NCOR2: variants seen among roughly 807,000 people sequenced by gnomAD.
NCOR2 encodes the protein CTG repeat protein 26.
Under a neutral mutation model 262.9 loss-of-function variants are expected in NCOR2, and 81 were observed. That is an observed-to-expected ratio of 0.31 (90% CI 0.26 to 0.37). The LOEUF (loss-of-function observed/expected upper bound fraction) is 0.37, where lower values mean the gene tolerates loss of function less well. NCOR2 is among the 10% of genes least tolerant of loss of function. NCOR2 has a pLI of 1.00. For synonymous variants in NCOR2, 1,659 were observed against 1,559.3 expected (o/e 1.06, Z -1.51); for missense variants, 3,385 against 3,621.4 (o/e 0.93, Z 1.68).
intron 19 of NCOR2, among the ~76,000 whole-genome samples, chr12:124,373,187 G>C (rs1289235341): frequency 6.6e-6 from 1 of 152,406 alleles, no homozygotes; most frequent in African/African-American, 2.4e-5. Flanking sequence ...TGACAGTGTA[G>C]AATGCGCTCA....
intron 13 of NCOR2, among the ~76,000 whole-genome samples, chr12:124,415,541 C>T (rs1052689878): frequency 6.6e-6 from 1 of 152,246 alleles, no homozygotes; most frequent in African/African-American, 2.4e-5. Context: ...GCCACGCCAC[C>T]ACCTCCTTAG....
At chr12:124,539,421 C>T (rs2051221732), upstream of NCOR2, 1 of 152,744 alleles carries the variant, frequency 6.5e-6, no homozygotes. This position sits in a 1 kb window ranked among gnomAD's most constrained non-coding sequence, Gnocchi z 5.1. Flanking sequence ...CCCACCAGCT[C>T]CTTCATGCTC....
At chr12:124,325,392 C>CCCCCCCCCAA in exon 47 of NCOR2, 2 of 1,152,270 alleles carry the variant, frequency 1.7e-6, no homozygotes, top group Non-Finnish European at 2.2e-6. Context: ...CCCCCCCGCC[C>CCCCCCCCCAA]TGTTCTGAGT....
At chr12:124,441,232 C>T (rs1351571207) in intron 7 of NCOR2, among the ~76,000 whole-genome samples, 1 of 152,120 alleles carries the variant, frequency 6.6e-6, no homozygotes, top group East Asian at 1.9e-4. Context: ...AAGAAGAGCC[C>T]AGAGTGACTT....
rs1224858680 is a variant in NCOR2 at position 124,334,414 on chromosome 12, C to T, written c.6605+10G>A. The T allele has an allele frequency of 3.9e-6, 6 of 1,522,012 alleles. No homozygotes were observed. The Admixed American group carries it at 8.3e-5, about 21-fold the overall frequency. 94.3% of individuals were successfully genotyped at this position (1,522,012 alleles called of 1,614,324 possible). On this transcript the variant is annotated intron_variant, in intron 41 of 46. Transcript: ENST00000405201. The stretch of plus-strand genomic sequence containing the variant: ...CTGACCAGCAAGAGGCACCCCCATC[C>T]CTCGCTCACCTCTTGCCCCCTTCGC...
intron 10 of NCOR2, among the ~76,000 whole-genome samples, chr12:124,428,086 T>TGTGTGTGTGTGTGTGTGCGTGC (rs958627720): frequency 2.0e-5 from 3 of 147,054 alleles, no homozygotes; most frequent in Non-Finnish European, 4.5e-5. Flanking sequence ...TGTGTGTGTG[T>TGTGTGTGTGTGTGTGTGCGTGC]GTACATGCAA....
chr12:124,346,483 G>A (rs1281661961), intron 31 of NCOR2, 81 bp downstream of exon 33: 3 of 1,364,326 alleles, frequency 2.2e-6, no homozygotes, highest in Admixed American at 3.1e-5. Context: ...GTTTCCCCAT[G>A]TGGAGAGGCC....
chr12:124,484,989 C>G (rs913259929), intron 2 of NCOR2, among the ~76,000 whole-genome samples: 3 of 152,204 alleles, frequency 2.0e-5, no homozygotes, highest in African/African-American at 7.2e-5. Flanking sequence ...CCCCTCTGTG[C>G]TCACCTCCCT....
chr12:124,402,863 A>G (rs1352569708), intron 13 of NCOR2, among the ~76,000 whole-genome samples: 1 of 151,986 alleles, frequency 6.6e-6, no homozygotes, highest in African/African-American at 2.4e-5. Context: ...TGGCTGTGTG[A>G]GCTTGGATGA....
chr12:124,542,341 G>A (rs376883063), intron 1 of NCOR2, among the ~76,000 whole-genome samples: 2 of 152,014 alleles, frequency 1.3e-5, no homozygotes, highest in Non-Finnish European at 2.9e-5. Flanking sequence ...CGGCCACACC[G>A]GCCACAACAG....
chr12:124,479,432 G>A (rs1021190458), intron 3 of NCOR2, among the ~76,000 whole-genome samples: 3 of 145,148 alleles, frequency 2.1e-5, no homozygotes, highest in Middle Eastern at 7.4e-3. Context: ...CACGCACACA[G>A]GCACATGTGT....
chr12:124,327,547 C>T, exon 45 of NCOR2: 1 of 1,613,862 alleles, frequency 6.2e-7, no homozygotes, highest in Non-Finnish European at 8.5e-7. Flanking sequence ...TCATATTTAC[C>T]CATGAGTGCC....
rs566363758 is a variant in NCOR2, at chr12:124,495,057, C to G, written c.105+90G>C. 3 of 1,502,070 alleles carry G rather than the reference C, an allele frequency of 2.0e-6. 1 individual carries two copies. The highest frequency in any genetic ancestry group is 2.5e-5 in the South Asian group (2 of 81,490). 93.0% of individuals were successfully genotyped at this position (1,502,070 alleles called of 1,614,324 possible). ...GAGGCTCAGAGCCACATGAGCCTGG[C>G]TCCCAGGAGAAAGGAAGGGGTGAAG... On this transcript the variant is annotated intron_variant, in intron 1 of 46. Coordinates refer to ENST00000405201, the Ensembl canonical transcript of NCOR2. This position sits in a 1 kb window ranked among gnomAD's most constrained non-coding sequence, Gnocchi z 4.4.
intron 37 of NCOR2, among the ~76,000 whole-genome samples, chr12:124,337,872 C>A (rs1255020668): frequency 4.6e-5 from 7 of 152,240 alleles, no homozygotes; most frequent in African/African-American, 1.2e-4. Flanking sequence ...CATGGGGGCA[C>A]CCCCATCTCT....
Position 124,432,418 on chromosome 12 carries a change from T to C in NCOR2, c.883-1631A>G, listed in dbSNP as rs1297937002. Among the ~76,000 whole-genome samples, 4 of 152,104 alleles carry C rather than the reference T, an allele frequency of 2.6e-5. No individual in the cohort carries two copies. The highest frequency in any genetic ancestry group is 4.8e-5 in the African/African-American group (2 of 41,436). On this transcript the variant is annotated intron_variant, in intron 8 of 46. Coordinates refer to ENST00000405201, the Ensembl canonical transcript of NCOR2. This position sits in a 1 kb window ranked among gnomAD's most constrained non-coding sequence, Gnocchi z 5.1. ...GGTCCCAAATGGAAGCCACCCACCA[T>C]GTGTGGCTCAACTGAAATCACAAAT...
chr12:124,331,067 T>C (rs571501015), intron 43 of NCOR2, among the ~76,000 whole-genome samples, 169 bp from the exon 46 acceptor site: 10 of 150,680 alleles, frequency 6.6e-5, no homozygotes, highest in African/African-American at 1.5e-4. Flanking sequence ...GCATTTCTTT[T>C]TTTTTTTTTT....
Position 124,548,893 on chromosome 12 carries a change from C to T in NCOR2, c.-164-13282G>A, listed in dbSNP as rs1284388581. 1.3e-5 allele frequency among the ~76,000 whole-genome samples: 2 copies of T among 152,184 alleles called. No homozygotes were observed. Among genetic ancestry groups the T allele is most frequent in the African/African-American group, 2.4e-5 (1 of 41,448 alleles). On this transcript the variant is annotated intron_variant, in intron 1 of 32. Transcript: ENST00000458234. This position sits in a 1 kb window ranked among gnomAD's most constrained non-coding sequence, Gnocchi z 5.1. Reference sequence around the variant, plus strand: ...CCCAGCACTGCAGGGCTCTGATCTGCTTTCTCGCGAATCCACGCTTACTCA... The same window carrying T: ...CCCAGCACTGCAGGGCTCTGATCTGTTTTCTCGCGAATCCACGCTTACTCA...
rs140922634 is a variant in NCOR2 at position 124,486,877 on chromosome 12, C to G, written c.106-309G>C. 8.9e-3 allele frequency among the ~76,000 whole-genome samples: 1,358 copies of G among 152,318 alleles called. 19 individuals carry two copies. The highest frequency in any genetic ancestry group is 0.03 in the African/African-American group (1,256 of 41,572). ...GCCAAGCCTGGGAGGTCTGATGGGG[C>G]TGTCTGAGGCCACAGGCTAATACAG... On this transcript the variant is annotated intron_variant, in intron 1 of 46. Transcript: ENST00000405201.
intron 1 of NCOR2, among the ~76,000 whole-genome samples, chr12:124,527,910 C>T (rs1267238197): frequency 1.3e-5 from 2 of 152,196 alleles, no homozygotes; most frequent in East Asian, 1.9e-4. Context: ...TGCCCCCGTC[C>T]GTGTCCTTCC....
Sources: gnomAD v4.1 joint callset for allele counts (sites outside exome capture counted in the v4.1 genomes callset) on GRCh38, gnomAD v4.1.1 for gene constraint, Gnocchi (gnomAD v3.1) non-coding constraint, MANE v1.5 for transcripts, NCBI Gene and HGNC (gene_info 2026-07-23, HGNC 2026-07-21) for gene names.